The following RBFOX1 variants were observed in gnomAD, a reference collection of about 807,000 sequenced individuals.
RBFOX1 encodes RNA binding fox-1 homolog 1, also known as RNA binding protein fox-1 homolog 1.
A neutral mutation model predicts 57.7 loss-of-function variants in RBFOX1; 8 were observed. The ratio of observed to expected loss-of-function variants is 0.14; its 90% CI spans 0.08 to 0.25. RBFOX1 has a LOEUF of 0.25. Ranked by LOEUF, RBFOX1 falls within the 10% of genes least tolerant of loss-of-function variation. RBFOX1 has a pLI of 1.00. For synonymous variants in RBFOX1, 326 were observed against 222.4 expected (o/e 1.47, Z -4.15); for missense variants, 611 against 548.5 (o/e 1.11, Z -1.14).
At chr16:6,154,541 G>T (rs182753078) in intron 1 of RBFOX1, among the ~76,000 whole-genome samples, 2 of 152,156 alleles carry the variant, frequency 1.3e-5, no homozygotes, top group Non-Finnish European at 2.9e-5. Context: ...GATAGTGGGA[G>T]CCAGCGGTGA....
At chr16:6,533,824 A>G (rs1235278561) in intron 2 of RBFOX1, among the ~76,000 whole-genome samples, 3 of 152,154 alleles carry the variant, frequency 2.0e-5, no homozygotes, top group African/African-American at 4.8e-5. Flanking sequence ...CATGGTCAAC[A>G]TTTTCCCAGA....
chr16:6,725,119 C>G (rs892766087), intron 3 of RBFOX1, among the ~76,000 whole-genome samples: 1 of 141,428 alleles, frequency 7.1e-6, no homozygotes, highest in South Asian at 2.3e-4. Context: ...GGTGCGATCT[C>G]GGCTCACTGC....
intron 3 of RBFOX1, among the ~76,000 whole-genome samples, chr16:5,747,873 C>T (rs1429173150): frequency 2.6e-5 from 4 of 152,104 alleles, no homozygotes; most frequent in African/African-American, 9.6e-5. Flanking sequence ...TCTCTGTTTC[C>T]TTCAGTTCTG....
chr16:6,750,079 T>A (rs748727392), intron 3 of RBFOX1, among the ~76,000 whole-genome samples: 7 of 152,134 alleles, frequency 4.6e-5, no homozygotes, highest in Non-Finnish European at 1.0e-4. Flanking sequence ...AAGATTTCAG[T>A]CGAGGTGTAT....
intron 1 of RBFOX1, among the ~76,000 whole-genome samples, chr16:6,252,544 C>T (rs570013706): frequency 1.3e-5 from 2 of 152,186 alleles, no homozygotes; most frequent in Non-Finnish European, 2.9e-5. Flanking sequence ...TCCAAAAGCC[C>T]CAGTTGGCCA....
intron 3 of RBFOX1, among the ~76,000 whole-genome samples, chr16:5,784,160 G>A (rs1420158151): frequency 6.6e-6 from 1 of 152,080 alleles, no homozygotes; most frequent in Non-Finnish European, 1.5e-5. Flanking sequence ...GGTGGCTCAC[G>A]CCTATAATCC....
rs150022591 is a variant in RBFOX1 at position 7,665,111 on chromosome 16, G to C, written c.930+143G>C. ...AATAATTCCGTGGTTTGTCTTGCAGGACAGAAAGCCTTCTGCTCTTGAACT... is the reference window on the plus strand; with the variant it reads ...AATAATTCCGTGGTTTGTCTTGCAGCACAGAAAGCCTTCTGCTCTTGAACT... On this transcript the variant is annotated intron_variant, in intron 13 of 15. Transcript: ENST00000550418. 2.7e-4 allele frequency: 413 copies of C among 1,516,992 alleles called. 2 individuals are homozygous for C. In the African/African-American group the frequency reaches 5.1e-3, roughly 19 times the overall value. The allele number at this position is 1,516,992 out of a possible 1,614,324, so 94.0% of individuals were successfully genotyped here.
intron 1 of RBFOX1, among the ~76,000 whole-genome samples, chr16:6,106,884 G>A (rs2096387229): frequency 6.6e-6 from 1 of 151,954 alleles, no homozygotes; most frequent in Non-Finnish European, 1.5e-5. Context: ...TGTTAGCCAG[G>A]ATGGTCTCAA....
intron 3 of RBFOX1, among the ~76,000 whole-genome samples, chr16:7,024,438 T>G (rs1393988743): frequency 6.6e-6 from 1 of 152,224 alleles, no homozygotes; most frequent in South Asian, 2.1e-4. Flanking sequence ...CATTAAAACA[T>G]AATCTACCAT....
intron 2 of RBFOX1, among the ~76,000 whole-genome samples, chr16:6,563,858 G>T (rs979786277): frequency 6.6e-6 from 1 of 151,820 alleles, no homozygotes; most frequent in Non-Finnish European, 1.5e-5. Context: ...GTGTGTGTGT[G>T]TGTGTATGTA....
intron 4 of RBFOX1, among the ~76,000 whole-genome samples, chr16:7,129,293 T>G (rs2069534397): frequency 6.6e-6 from 1 of 152,106 alleles, no homozygotes; most frequent in Admixed American, 6.5e-5. Context: ...GAAAACAAAG[T>G]GTTTCATCGG....
intron 4 of RBFOX1, among the ~76,000 whole-genome samples, chr16:7,114,048 A>C (rs2065347662): frequency 6.6e-6 from 1 of 152,200 alleles, no homozygotes; most frequent in Non-Finnish European, 1.5e-5. Context: ...ATGAGCAAAG[A>C]ACTGTCACCT....
chr16:6,810,177 C>T (rs2088105107), intron 3 of RBFOX1, among the ~76,000 whole-genome samples: 1 of 152,092 alleles, frequency 6.6e-6, no homozygotes, highest in South Asian at 2.1e-4. Context: ...CTCTCATTGT[C>T]TTATGTGTGC....
chr16:6,487,465 A>C (rs1454157604), intron 2 of RBFOX1, among the ~76,000 whole-genome samples: 2 of 151,668 alleles, frequency 1.3e-5, no homozygotes, highest in African/African-American at 4.8e-5. Context: ...GGATATTTGT[A>C]ACATAATTTT....
chr16:6,785,282 C>T (rs547983752), intron 3 of RBFOX1, among the ~76,000 whole-genome samples: 1 of 152,252 alleles, frequency 6.6e-6, no homozygotes, highest in East Asian at 1.9e-4. Context: ...TTATTCTAAA[C>T]ACCATGGATG....
At chr16:7,428,007 G>A (rs965724851) in intron 4 of RBFOX1, among the ~76,000 whole-genome samples, 1 of 152,116 alleles carries the variant, frequency 6.6e-6, no homozygotes, top group Non-Finnish European at 1.5e-5. Context: ...TTCCAAGAAT[G>A]TTTCTCCCTC....
chr16:7,457,921 C>G (rs1467879866), intron 4 of RBFOX1, among the ~76,000 whole-genome samples: 2 of 152,146 alleles, frequency 1.3e-5, no homozygotes, highest in Non-Finnish European at 2.9e-5. Flanking sequence ...CTCAGTCCCT[C>G]CAACAAGCAT....
intron 4 of RBFOX1, among the ~76,000 whole-genome samples, chr16:7,423,621 G>T (rs761745211): frequency 2.6e-5 from 4 of 152,122 alleles, no homozygotes; most frequent in Non-Finnish European, 4.4e-5. Flanking sequence ...CAGGGGAGTG[G>T]TTTGCAATTG....
intron 3 of RBFOX1, among the ~76,000 whole-genome samples, chr16:6,864,820 G>A (rs1463573037): frequency 2.0e-5 from 3 of 151,654 alleles, no homozygotes; most frequent in African/African-American, 7.3e-5. Flanking sequence ...TGCTACTTGG[G>A]TATTTTGTTG....
Sources: gnomAD v4.1 joint callset for allele counts (sites outside exome capture counted in the v4.1 genomes callset) on GRCh38, gnomAD v4.1.1 for gene constraint, MANE v1.5 for transcripts, NCBI Gene and HGNC (gene_info 2026-07-23, HGNC 2026-07-21) for gene names.